The following CAB39 variants were observed in gnomAD, a reference collection of about 807,000 sequenced individuals.
CAB39 encodes calcium binding protein 39, also known as calcium-binding protein 39.
In CAB39, 8 loss-of-function variants were observed where a neutral mutation model predicts 40.0. The observed-to-expected ratio is 0.20, with a 90% CI of 0.12 to 0.36. The LOEUF (loss-of-function observed/expected upper bound fraction) is 0.36, where lower values mean the gene tolerates loss of function less well. Among genes scored for constraint, CAB39 ranks in the 10% least tolerant of loss-of-function variants. CAB39 has a pLI of 1.00. For synonymous variants in CAB39, 156 were observed against 141.6 expected (o/e 1.10, Z -0.72); for missense variants, 270 against 401.1 (o/e 0.67, Z 2.79).
chr2:230,745,472 G>A (rs930799329), intron 1 of CAB39, among the ~76,000 whole-genome samples: 4 of 152,182 alleles, frequency 2.6e-5, no homozygotes, highest in African/African-American at 4.8e-5. Flanking sequence ...CTTGCACTCC[G>A]GAGACTTGGT....
intron 1 of CAB39, among the ~76,000 whole-genome samples, chr2:230,723,689 G>C (rs1290059624): frequency 6.6e-6 from 1 of 152,202 alleles, no homozygotes; most frequent in Non-Finnish European, 1.5e-5. Context: ...CTGGGCAGAA[G>C]ATTAGAGAGG....
At chr2:230,786,163 CAAAAAAAAAAAAAAA>C in intron 2 of CAB39, among the ~76,000 whole-genome samples, 1 of 72,748 alleles carries the variant, frequency 1.4e-5, no homozygotes, top group East Asian at 6.3e-4. Flanking sequence ...GACTCTGTCT[CAAAAAAAAAAAAAAA>C]AAAAAAAAAA....
chr2:230,818,209 C>T (rs1696436899), intron 8 of CAB39: 1 of 454,706 alleles, frequency 2.2e-6, no homozygotes. Flanking sequence ...AAAATCCCAT[C>T]TGACCTCTTG....
intron 5 of CAB39, among the ~76,000 whole-genome samples, chr2:230,802,000 G>A (rs1329832058): frequency 2.6e-5 from 4 of 152,056 alleles, no homozygotes; most frequent in African/African-American, 4.8e-5. Context: ...ATGGAGAGGG[G>A]CATTAGAAAG....
chr2:230,730,539 G>T lies in CAB39; in HGVS notation c.-44+17309G>T, dbSNP rs563978776. ...GGCTCACTGCAACCTCCGCCTCCTG[G>T]GTTCAAGTGATTTCCTGCCTCAGCC... On this transcript the variant is annotated intron_variant, in intron 1 of 8. Transcript: ENST00000258418. Among the ~76,000 whole-genome samples the T allele has an allele frequency of 2.1e-4, 32 of 151,814 alleles. No homozygotes were observed. The East Asian group carries it at 4.8e-3, about 23-fold the overall frequency.
At chr2:230,748,598 GA>G (rs1277309912) in intron 1 of CAB39, among the ~76,000 whole-genome samples, 1 of 151,568 alleles carries the variant, frequency 6.6e-6, no homozygotes, top group Admixed American at 6.6e-5. Flanking sequence ...TTGAGGCCAG[GA>G]GTTCGAGACC....
intron 1 of CAB39, among the ~76,000 whole-genome samples, chr2:230,747,346 C>T (rs1313931293): frequency 2.6e-5 from 4 of 152,296 alleles, no homozygotes; most frequent in African/African-American, 7.2e-5. Flanking sequence ...AATTATTTCA[C>T]GGAGAGAAGG....
intron 2 of CAB39, among the ~76,000 whole-genome samples, chr2:230,786,021 G>T (rs1002906127): frequency 6.6e-6 from 1 of 151,656 alleles, no homozygotes; most frequent in African/African-American, 2.4e-5. Flanking sequence ...AAAATTAGCC[G>T]GGTGTTGTGG....
intron 5 of CAB39, among the ~76,000 whole-genome samples, chr2:230,803,835 A>T (rs1336272100): frequency 1.3e-5 from 2 of 152,232 alleles, no homozygotes; most frequent in African/African-American, 4.8e-5. Flanking sequence ...AAGGTAATTT[A>T]TAGATTCAAT....
intron 8 of CAB39, 108 bp from the exon 9 acceptor site, chr2:230,818,408 C>A: frequency 1.2e-6 from 1 of 815,434 alleles, no homozygotes; most frequent in Non-Finnish European, 1.9e-6. Context: ...CTGACTTCAG[C>A]GCCATCCCAG....
intron 1 of CAB39, among the ~76,000 whole-genome samples, chr2:230,746,462 T>C (rs1694979767): frequency 6.6e-6 from 1 of 152,210 alleles, no homozygotes; most frequent in Non-Finnish European, 1.5e-5. Flanking sequence ...TAAATAGTGT[T>C]GCACTCTTAG....
chr2:230,725,458 C>T (rs974522285), intron 1 of CAB39: 22 of 1,429,216 alleles, frequency 1.5e-5, no homozygotes, highest in Admixed American at 3.5e-5. Context: ...TCCCGCCACC[C>T]GGCCACTCCT....
intron 7 of CAB39, among the ~76,000 whole-genome samples, chr2:230,815,470 A>T (rs1218069768): frequency 6.6e-6 from 1 of 151,662 alleles, no homozygotes; most frequent in South Asian, 2.1e-4. Context: ...GAGGTATACT[A>T]CTCTTGCCAG....
At chr2:230,735,326 C>G (rs1281345199) in intron 1 of CAB39, among the ~76,000 whole-genome samples, 1 of 151,942 alleles carries the variant, frequency 6.6e-6, no homozygotes, top group Non-Finnish European at 1.5e-5. Context: ...GCCACCACGC[C>G]TGGCTTATTT....
intron 2 of CAB39, among the ~76,000 whole-genome samples, chr2:230,780,041 C>T (rs1238944727): frequency 1.3e-5 from 2 of 152,096 alleles, no homozygotes; most frequent in African/African-American, 2.4e-5. Context: ...GGTCCAGTTC[C>T]CTTAATTATC....
intron 1 of CAB39, among the ~76,000 whole-genome samples, chr2:230,741,598 C>T (rs1410747102): frequency 1.3e-5 from 2 of 152,092 alleles, no homozygotes; most frequent in Admixed American, 6.5e-5. Flanking sequence ...GCCTCAGCCT[C>T]CTGAGTAGCT....
intron 4 of CAB39, among the ~76,000 whole-genome samples, chr2:230,798,278 A>G (rs1696026243): frequency 6.6e-6 from 1 of 152,206 alleles, no homozygotes; most frequent in Non-Finnish European, 1.5e-5. Context: ...ACAACAAGGT[A>G]TAAATTCTAT....
chr2:230,809,194 G>C (rs1286392220), intron 5 of CAB39, among the ~76,000 whole-genome samples: 1 of 152,120 alleles, frequency 6.6e-6, no homozygotes, highest in Non-Finnish European at 1.5e-5. Context: ...GTGCAGTCTA[G>C]GACCTGACAT....
At chr2:230,783,992 T>A (rs958367378) in intron 2 of CAB39, among the ~76,000 whole-genome samples, 3 of 152,186 alleles carry the variant, frequency 2.0e-5, no homozygotes, top group African/African-American at 7.2e-5. Flanking sequence ...AAAAGATAAT[T>A]CTAGGTGTGA....
Sources: allele counts gnomAD v4.1 joint callset (sites outside exome capture counted in the v4.1 genomes callset), GRCh38; gene constraint gnomAD v4.1.1; transcripts MANE v1.5; gene names NCBI Gene and HGNC (gene_info 2026-07-23, HGNC 2026-07-21).